Variants in TENM2 observed in about 807,000 individuals in gnomAD.
The protein encoded by TENM2 is teneurin-2.
A neutral mutation model predicts 245.2 loss-of-function variants in TENM2; 52 were observed. The ratio of observed to expected loss-of-function variants is 0.21; its 90% CI spans 0.17 to 0.27. The LOEUF is 0.27. Among genes scored for constraint, TENM2 ranks in the 10% least tolerant of loss-of-function variants. TENM2 has a pLI of 1.00. For missense variants in TENM2, 3,046 were observed against 3,666.8 expected (o/e 0.83, Z 4.37); for synonymous variants, 1,363 against 1,438.9 (o/e 0.95, Z 1.19).
the TENM2 span, among the ~76,000 whole-genome samples, chr5:167,269,549 A>ACACT: frequency 6.6e-6 from 1 of 151,962 alleles, no homozygotes; most frequent in South Asian, 2.1e-4. Flanking sequence ...ACACACACAC[A>ACACT]CACACAATCA....
At chr5:167,176,868 T>A in the TENM2 span, among the ~76,000 whole-genome samples, 1 of 152,232 alleles carries the variant, frequency 6.6e-6, no homozygotes, top group African/African-American at 2.4e-5. Flanking sequence ...CGTGGTTTAA[T>A]CTGGATGGAG....
chr5:167,508,900 A>G (rs1237114907), intron 2 of TENM2, among the ~76,000 whole-genome samples: 1 of 152,180 alleles, frequency 6.6e-6, no homozygotes. Context: ...GCTCACTGCA[A>G]CCTCTGCTCC....
intron 13 of TENM2, among the ~76,000 whole-genome samples, chr5:168,176,086 T>G (rs1322268178): frequency 1.3e-5 from 2 of 152,200 alleles, no homozygotes; most frequent in African/African-American, 4.8e-5. Context: ...AGGCCATGAT[T>G]TCTTAATAGC....
At chr5:167,082,739 T>C in the TENM2 span, among the ~76,000 whole-genome samples, 156 of 152,338 alleles carry the variant, frequency 1.0e-3, 2 homozygotes, top group Middle Eastern at 3.4e-3. Flanking sequence ...ACAGAACTTT[T>C]ATTAGCCAAT....
intron 2 of TENM2, among the ~76,000 whole-genome samples, chr5:167,635,850 T>A (rs1003040054): frequency 1.3e-5 from 2 of 151,788 alleles, no homozygotes; most frequent in African/African-American, 4.8e-5. Flanking sequence ...TTCACCGTTT[T>A]AGCCAGGATG....
intron 5 of TENM2, among the ~76,000 whole-genome samples, chr5:168,024,813 G>A (rs768281621): frequency 2.6e-5 from 4 of 152,168 alleles, no homozygotes; most frequent in Non-Finnish European, 5.9e-5. Context: ...TTTTACGTGC[G>A]GATTTGTGAG....
chr5:168,229,371 A>G (rs560177720), intron 25 of TENM2, among the ~76,000 whole-genome samples: 28 of 152,102 alleles, frequency 1.8e-4, no homozygotes, highest in Non-Finnish European at 2.2e-4. Flanking sequence ...CCAGTCACTT[A>G]TCTGTCACCA....
chr5:167,405,017 A>G (rs942289080), intron 2 of TENM2, among the ~76,000 whole-genome samples: 7 of 152,132 alleles, frequency 4.6e-5, no homozygotes, highest in African/African-American at 1.7e-4. Flanking sequence ...TAGACATTTC[A>G]TGTCAATAGA....
intron 2 of TENM2, among the ~76,000 whole-genome samples, chr5:167,508,350 G>A (rs1015024852): frequency 6.6e-6 from 1 of 152,152 alleles, no homozygotes; most frequent in Non-Finnish European, 1.5e-5. Context: ...AGTAGGGGTG[G>A]TGATTTTAAT....
Position 168,046,201 on chromosome 5 carries a change from A to C in TENM2, c.1187-1226A>C, listed in dbSNP as rs542815007. ...TGACTTTACGTGGTGGTAGGCATGC[A>C]GAATTAATTGCTGTGTGAACAATTT... is the stretch of plus-strand genomic sequence containing the variant. On this transcript the variant is annotated intron_variant, in intron 5 of 28. Coordinates refer to ENST00000518659, the Ensembl canonical transcript of TENM2. Among the ~76,000 whole-genome samples, 3 of 152,344 alleles carry C rather than the reference A, an allele frequency of 2.0e-5. No homozygotes were observed. In the East Asian group the frequency reaches 5.8e-4, roughly 29 times the overall value.
At chr5:168,208,236 C>A (rs574409031) in intron 19 of TENM2, among the ~76,000 whole-genome samples, 1 of 152,300 alleles carries the variant, frequency 6.6e-6, no homozygotes, top group South Asian at 2.1e-4. Context: ...TTTTAATAAA[C>A]ATAAGAATCT....
the TENM2 span, among the ~76,000 whole-genome samples, chr5:167,100,711 G>C: frequency 6.6e-6 from 1 of 151,970 alleles, no homozygotes. Flanking sequence ...TTTGGGGTGG[G>C]GGAGGGGTGC....
chr5:167,915,815 C>T (rs1460869063), intron 3 of TENM2, among the ~76,000 whole-genome samples: 1 of 152,080 alleles, frequency 6.6e-6, no homozygotes, highest in Non-Finnish European at 1.5e-5. Flanking sequence ...ATTGTATTTC[C>T]TTGATTGGGA....
chr5:167,525,631 T>C (rs4869052), intron 2 of TENM2, among the ~76,000 whole-genome samples: 100,017 of 151,996 alleles, frequency 0.66, 33,148 homozygotes, highest in East Asian at 0.85. Flanking sequence ...CTGGGACCTA[T>C]AGGACCAATT....
In TENM2 at chr5:167,318,703, G is replaced by T. The variant is rs549793059; in HGVS notation, c.226+33640G>T. On this transcript the variant is annotated intron_variant, in intron 1 of 28. Coordinates refer to ENST00000518659, the Ensembl canonical transcript of TENM2. ...TTGGAGGTTTTATTCAGGATCCTAT[G>T]CCTTATTTCCCAACACACAGCTTCA... is the stretch of plus-strand genomic sequence containing the variant. Among the ~76,000 whole-genome samples, 13 of 152,242 alleles carry T rather than the reference G, an allele frequency of 8.5e-5. No homozygotes were observed. In the South Asian group the frequency reaches 2.7e-3, roughly 32 times the overall value.
chr5:168,248,121 T>C (rs1766759695), exon 27 of TENM2: 1 of 1,613,974 alleles, frequency 6.2e-7, no homozygotes, highest in Admixed American at 1.7e-5. Context: ...ACACGGCCTA[T>C]GGGGAGATTT....
rs58825054 is a variant in TENM2 at position 168,156,247 on chromosome 5, TA to T, written c.2423-6345del. On this transcript the variant is annotated intron_variant, in intron 12 of 28. Transcript: ENST00000518659. ...ACCAGGTTAAGGTTTTCCCCATAGT[TA>T]AAAAAAAAAAAAAAAAAACACTTTT... 1.3e-3 allele frequency among the ~76,000 whole-genome samples: 108 copies of T among 80,792 alleles called. 1 individual carries two copies. The highest frequency in any genetic ancestry group is 6.4e-3 in the Admixed American group (37 of 5,758). 53.0% of individuals were successfully genotyped at this position (80,792 alleles called of 152,430 possible). A position where few individuals can be genotyped will look rare whatever the true frequency, so the allele number is the denominator to read the frequency against.
chr5:167,385,756 T>A (rs552690302), intron 2 of TENM2, among the ~76,000 whole-genome samples: 15 of 152,180 alleles, frequency 9.9e-5, no homozygotes, highest in Admixed American at 9.8e-4. Context: ...GAACATATGA[T>A]GTTTGGTTTT....
At chr5:168,226,292 C>T in intron 24 of TENM2, 29 bp downstream of exon 26, 4 of 1,600,828 alleles carry the variant, frequency 2.5e-6, no homozygotes, top group Non-Finnish European at 3.4e-6. Context: ...CATCCTACCC[C>T]CAAACTCACC....
Sources: gnomAD v4.1 joint callset for allele counts (sites outside exome capture counted in the v4.1 genomes callset) on GRCh38, gnomAD v4.1.1 for gene constraint, MANE v1.5 for transcripts, NCBI Gene and HGNC (gene_info 2026-07-23, HGNC 2026-07-21) for gene names.